Variants in BAHCC1 observed in about 807,000 individuals in gnomAD.
The protein encoded by BAHCC1 is BAH and coiled-coil domain-containing protein 1.
Under a neutral mutation model 88.2 loss-of-function variants are expected in BAHCC1, and 43 were observed. That is an observed-to-expected ratio of 0.49 (90% CI 0.38 to 0.63). BAHCC1 has a LOEUF of 0.63. Among genes scored for constraint, BAHCC1 ranks in the 20% least tolerant of loss-of-function variants. BAHCC1 has a pLI of 0.00. For missense variants in BAHCC1, 3,023 were observed against 1,654.8 expected (o/e 1.83, Z -14.34); for synonymous variants, 1,510 against 745.5 (o/e 2.03, Z -16.71).
chr17:81,427,972 A>G (rs1407808185), intron 3 of BAHCC1, among the ~76,000 whole-genome samples: 1 of 152,238 alleles, frequency 6.6e-6, no homozygotes, highest in Non-Finnish European at 1.5e-5. Context: ...GCTGTTTTCC[A>G]AACAGAACAG....
chr17:81,404,045 A>C (rs898987066), intron 2 of BAHCC1, among the ~76,000 whole-genome samples: 35 of 152,328 alleles, frequency 2.3e-4, no homozygotes, highest in South Asian at 1.0e-3. Context: ...CCCCTGGAAA[A>C]CGCGCGTCCC....
intron 2 of BAHCC1, among the ~76,000 whole-genome samples, chr17:81,405,224 C>T (rs1047303456): frequency 7.9e-5 from 12 of 152,102 alleles, no homozygotes; most frequent in Admixed American, 4.6e-4. Flanking sequence ...TGTACCACCA[C>T]GCCCTAATTT....
intron 2 of BAHCC1, among the ~76,000 whole-genome samples, chr17:81,406,762 T>TC (rs2063885295): frequency 2.0e-5 from 3 of 152,184 alleles, no homozygotes; most frequent in Admixed American, 6.5e-5. Flanking sequence ...TGAGGGGATG[T>TC]GGTGGCAGGC....
At chr17:81,415,443 A>G in intron 2 of BAHCC1, 1 of 449,488 alleles carries the variant, frequency 2.2e-6, no homozygotes, top group South Asian at 1.6e-5. Context: ...CTGGAAGGGT[A>G]ACGCGAGCGC....
chr17:81,396,206 G>A (rs2143122731), intron 1 of BAHCC1: 1 of 152,434 alleles, frequency 6.6e-6, no homozygotes, highest in East Asian at 1.9e-4. Context: ...GCCCTGAGGG[G>A]CCTTCCGGGC....
At position 81,447,031 on chromosome 17, in the gene BAHCC1, T is replaced by C. The variant is rs782110114; in HGVS notation, c.3164-5T>C. On this transcript the variant is annotated splice_polypyrimidine_tract_variant and splice_region_variant and intron_variant, in intron 10 of 27. Coordinates refer to ENST00000675386, the MANE Select transcript of BAHCC1 (RefSeq NM_001377448.1). ...CTCCCTGCTGACCTGTCCCCTCCTT[T>C]GCAGACCTGCCTCCCGGATACCTGC... 7.7e-6 allele frequency: 6 copies of C among 779,086 alleles called. No homozygotes were observed. The South Asian group carries it at 8.0e-5, about 10-fold the overall frequency. 48.3% of individuals were successfully genotyped at this position (779,086 alleles called of 1,614,324 possible).
intron 11 of BAHCC1, among the ~76,000 whole-genome samples, chr17:81,448,776 G>C (rs1186988618): frequency 4.6e-5 from 7 of 152,314 alleles, no homozygotes; most frequent in Non-Finnish European, 5.9e-5. Flanking sequence ...GGAGCTGCCT[G>C]CCCTCGGGGG....
chr17:81,396,163 G>A (rs1013270708), intron 1 of BAHCC1: 9 of 152,342 alleles, frequency 5.9e-5, no homozygotes, highest in Non-Finnish European at 7.3e-5. Flanking sequence ...CGCGGCGAGG[G>A]GAACTGGCCG....
chr17:81,446,716 T>C, intron 10 of BAHCC1: 1 of 481,450 alleles, frequency 2.1e-6, no homozygotes, highest in Non-Finnish European at 4.1e-6. Context: ...GCCCAGCTCA[T>C]TGTTCTTTAA....
In BAHCC1 at chr17:81,434,794, G is replaced by T. The variant is rs1024324699; in HGVS notation, c.359-3576G>T. Among the ~76,000 whole-genome samples, 1 of 152,078 alleles carries T rather than the reference G, an allele frequency of 6.6e-6. No homozygotes were observed. Among genetic ancestry groups the T allele is most frequent in the Non-Finnish European group, 1.5e-5 (1 of 67,988 alleles). ...CCAGATCTGGCAAGAGGAGGAAGGC[G>T]CAGGGCTGGCCTGGAGAGGGCAGGG... On this transcript the variant is annotated intron_variant, in intron 3 of 27. Transcript: ENST00000675386. This position sits in a 1 kb window ranked among gnomAD's most constrained non-coding sequence, Gnocchi z 4.9.
intron 2 of BAHCC1, among the ~76,000 whole-genome samples, chr17:81,416,933 C>T (rs1555648820): frequency 1.3e-5 from 2 of 152,206 alleles, no homozygotes; most frequent in South Asian, 2.1e-4. Context: ...TGTCGGGGCT[C>T]ATCCTATGGC....
At position 81,423,955 on chromosome 17, in the gene BAHCC1, C is replaced by A. The variant is rs978508925; in HGVS notation, c.179-2845C>A. Among the ~76,000 whole-genome samples, 8 of 152,218 alleles carry A rather than the reference C, an allele frequency of 5.3e-5. No homozygotes were observed. The South Asian group carries it at 1.2e-3, about 24-fold the overall frequency. On this transcript the variant is annotated intron_variant, in intron 2 of 27. Coordinates refer to ENST00000675386, the MANE Select transcript of BAHCC1 (RefSeq NM_001377448.1). ...GAAGTGCGGGGTATCCTGGCGGTGC[C>A]CAGGAAGGAGCCTCTCGCGGCCTCC... is the stretch of plus-strand genomic sequence containing the variant.
intron 1 of BAHCC1, among the ~76,000 whole-genome samples, chr17:81,397,800 G>C (rs2063761774): frequency 6.6e-6 from 1 of 152,242 alleles, no homozygotes; most frequent in Admixed American, 6.5e-5. Flanking sequence ...AGGGAAGGGA[G>C]CCCCAAACGC....
intron 15 of BAHCC1, among the ~76,000 whole-genome samples, chr17:81,455,778 TG>T (rs1235322377): frequency 1.3e-5 from 2 of 151,160 alleles, no homozygotes; most frequent in African/African-American, 4.9e-5. Flanking sequence ...CTTCTTGGTG[TG>T]GGGGGGCTCC....
intron 4 of BAHCC1, among the ~76,000 whole-genome samples, chr17:81,441,606 G>C (rs1555652518): frequency 1.3e-5 from 2 of 148,276 alleles, no homozygotes; most frequent in African/African-American, 5.0e-5. Context: ...AGCTTGCAGT[G>C]AGCCGAGGTC....
Position 81,442,687 on chromosome 17 carries a change from C to T in BAHCC1, c.1338C>T (p.Ala446=), listed in dbSNP as rs781885572. 2.5e-5 allele frequency: 19 copies of T among 773,676 alleles called. No homozygotes were observed. Among genetic ancestry groups the T allele is most frequent in the Admixed American group, 1.9e-4 (11 of 58,110 alleles). 47.9% of individuals were successfully genotyped at this position (773,676 alleles called of 1,614,324 possible). Residue 446 remains alanine (A), a synonymous_variant, in exon 5 of 28, where the codon GCC becomes GCT. Transcript: ENST00000675386. ...PYGVSYAHLK[A]EGKGERRPGG... is the part of the protein sequence containing the mutation. ...GAGTCTCCTATGCCCACCTGAAGGCCGAGGGCAAGGGCGAGCGGCGGCCTG... is the reference window on the plus strand; with the variant it reads ...GAGTCTCCTATGCCCACCTGAAGGCTGAGGGCAAGGGCGAGCGGCGGCCTG...
intron 3 of BAHCC1, among the ~76,000 whole-genome samples, chr17:81,427,736 C>G (rs1258203270): frequency 6.6e-6 from 1 of 152,204 alleles, no homozygotes; most frequent in Non-Finnish European, 1.5e-5. Context: ...CCCCCGCCCC[C>G]CGCGGCTGGC....
chr17:81,424,974 GT>G (rs2064159236), intron 2 of BAHCC1, among the ~76,000 whole-genome samples: 1 of 149,704 alleles, frequency 6.7e-6, no homozygotes, highest in Non-Finnish European at 1.5e-5. Context: ...GATGTGGTTG[GT>G]GTGATGTGGT....
chr17:81,428,126 T>TCCAGACTCCCCTGC, intron 3 of BAHCC1, among the ~76,000 whole-genome samples: 1 of 151,972 alleles, frequency 6.6e-6, no homozygotes. Flanking sequence ...GGGTCCTCGG[T>TCCAGACTCCCCTGC]CCAGACTCCC....
Sources: allele counts gnomAD v4.1 joint callset (sites outside exome capture counted in the v4.1 genomes callset), GRCh38; gene constraint gnomAD v4.1.1; non-coding constraint Gnocchi (gnomAD v3.1); transcripts MANE v1.5; gene names NCBI Gene and HGNC (gene_info 2026-07-23, HGNC 2026-07-21).